Variants in SORL1 observed in about 807,000 individuals in gnomAD.
The protein encoded by SORL1 is sortilin-related receptor.
SORL1 carries 127 observed loss-of-function variants against 273.7 expected under a neutral mutation model. That is an observed-to-expected ratio of 0.46 (90% CI 0.40 to 0.54). The LOEUF (loss-of-function observed/expected upper bound fraction) is 0.54. Among genes scored for constraint, SORL1 ranks in the 20% least tolerant of loss-of-function variants. The pLI, the probability that SORL1 is intolerant of heterozygous loss-of-function variation, is 0.00. For missense variants in SORL1, 2,494 were observed against 2,846.1 expected (o/e 0.88, Z 2.81); for synonymous variants, 1,031 against 1,067.4 (o/e 0.97, Z 0.66).
chr11:121,607,569 C>T (rs1223899961), intron 37 of SORL1, among the ~76,000 whole-genome samples: 1 of 152,240 alleles, frequency 6.6e-6, no homozygotes, highest in Non-Finnish European at 1.5e-5. Flanking sequence ...AGCTTTCCAG[C>T]TCCTATACTT....
chr11:121,551,813 C>A (rs1170640439), intron 16 of SORL1, among the ~76,000 whole-genome samples: 1 of 152,214 alleles, frequency 6.6e-6, no homozygotes, highest in East Asian at 1.9e-4. Flanking sequence ...GAGTAATTAA[C>A]ATACCTCACT....
chr11:121,556,148 A>G (rs529709796), intron 18 of SORL1, among the ~76,000 whole-genome samples: 48 of 152,358 alleles, frequency 3.2e-4, no homozygotes, highest in Middle Eastern at 3.4e-3. Context: ...TCGCACAACC[A>G]TTTGACAGGG....
rs575012120 is a variant in SORL1 at position 121,633,245 on chromosome 11, G to T, written c.*3682G>T. 2 of 152,142 alleles carry T rather than the reference G, an allele frequency of 1.3e-5. No individual in the cohort carries two copies. The highest frequency in any genetic ancestry group is 4.8e-5 in the African/African-American group (2 of 41,428). 9.4% of individuals were successfully genotyped at this position (152,142 alleles called of 1,614,324 possible). On this transcript the variant is annotated 3_prime_UTR_variant, in exon 48 of 48. Coordinates refer to ENST00000260197, the MANE Select transcript of SORL1 (RefSeq NM_003105.6). The stretch of plus-strand genomic sequence containing the variant: ...GAGGATGGGTTGTATGTATGTTTCT[G>T]CCCACTAATTTTGAGCAGCCATATT...
intron 6 of SORL1, 104 bp downstream of exon 6, chr11:121,497,153 A>T (rs1332255896): frequency 1.0e-6 from 1 of 955,524 alleles, no homozygotes; most frequent in African/African-American, 1.6e-5. Context: ...AATTGGAAGG[A>T]TGTGCTTGGG....
intron 8 of SORL1, among the ~76,000 whole-genome samples, chr11:121,514,852 G>A (rs887334593): frequency 1.1e-4 from 16 of 152,290 alleles, no homozygotes; most frequent in African/African-American, 2.2e-4. Context: ...GGGCGGTCTC[G>A]GAGCACCACA....
chr11:121,491,622 G>A (rs1861554452), intron 5 of SORL1, among the ~76,000 whole-genome samples: 1 of 152,116 alleles, frequency 6.6e-6, no homozygotes, highest in Non-Finnish European at 1.5e-5. Context: ...TTTCACATTT[G>A]TTTTATGCTT....
At chr11:121,477,416 C>A (rs1591552294) in intron 2 of SORL1, among the ~76,000 whole-genome samples, 1 of 152,186 alleles carries the variant, frequency 6.6e-6, no homozygotes, top group African/African-American at 2.4e-5. Context: ...ACAAATCCTC[C>A]GTTCCATTCC....
chr11:121,597,263 C>T (rs1863309010), intron 32 of SORL1, among the ~76,000 whole-genome samples: 1 of 152,170 alleles, frequency 6.6e-6, no homozygotes, highest in South Asian at 2.1e-4. Context: ...ACTGGGCTCT[C>T]CCTGGAGAGG....
At chr11:121,529,029 T>C (rs1330343117) in intron 11 of SORL1, among the ~76,000 whole-genome samples, 4 of 152,302 alleles carry the variant, frequency 2.6e-5, no homozygotes, top group Middle Eastern at 3.4e-3. Flanking sequence ...CAATTTTTGC[T>C]TTATTTTGGT....
chr11:121,576,788 G>A (rs1486592525), intron 24 of SORL1: 18 of 1,499,962 alleles, frequency 1.2e-5, no homozygotes, highest in East Asian at 4.9e-5. Flanking sequence ...TGTTTCCTCC[G>A]TTTTGGGAGC....
chr11:121,589,324 A>G lies in SORL1; in HGVS notation c.4012A>G (p.Ile1338Val). The change falls in exon 29 of 48, where the codon ATC becomes GTC. Residue 1338 changes from isoleucine (I) to valine (V), a missense_variant. Ile to Val is a conservative substitution (Grantham distance 29). Around this residue, in one of 3 missense-constraint regions of SORL1, gnomAD observed 1,609 missense variants for 1,816.4 expected, o/e 0.89. Coordinates refer to ENST00000260197, the MANE Select transcript of SORL1 (RefSeq NM_003105.6). Reference protein sequence around the residue: ...FGFQCQNGVCISLIWKCDGMD... With the variant: ...FGFQCQNGVCVSLIWKCDGMD... ...TTTCCAGTGTCAGAATGGAGTGTGC[A>G]TCAGTTTGATTTGGAAGTGCGACGG... 1 of 1,613,930 alleles carries G rather than the reference A, an allele frequency of 6.2e-7. No homozygotes were observed. Among genetic ancestry groups the G allele is most frequent in the Non-Finnish European group, 8.5e-7 (1 of 1,179,790 alleles).
In SORL1 at chr11:121,627,335, CCAT is replaced by C. The variant is rs1473611398; in HGVS notation, c.6365-219_6365-217del. On this transcript the variant is annotated intron_variant, in intron 46 of 47. Coordinates refer to ENST00000260197, the MANE Select transcript of SORL1 (RefSeq NM_003105.6). This position sits in a 1 kb window ranked among gnomAD's most constrained non-coding sequence, Gnocchi z 4.9. Reference sequence around the variant, plus strand: ...AGTGATTAGGAGTCTAATGTAATTACCATATTTGCATGCACAAGGCCCTTGGTC... The same window carrying C: ...AGTGATTAGGAGTCTAATGTAATTACATTTGCATGCACAAGGCCCTTGGTC... 6.9e-6 allele frequency: 4 copies of C among 578,354 alleles called. No individual in the cohort carries two copies. The Admixed American group carries it at 9.4e-5, about 14-fold the overall frequency. 35.8% of individuals were successfully genotyped at this position (578,354 alleles called of 1,614,324 possible).
intron 17 of SORL1, 113 bp from the exon 18 acceptor site, chr11:121,555,074 C>A: frequency 8.5e-7 from 1 of 1,174,290 alleles, no homozygotes; most frequent in Non-Finnish European, 1.2e-6. Flanking sequence ...CGTAAAACAT[C>A]TCATCCCTTG....
chr11:121,506,855 G>A (rs1321078636), intron 6 of SORL1, among the ~76,000 whole-genome samples: 1 of 152,042 alleles, frequency 6.6e-6, no homozygotes, highest in Non-Finnish European at 1.5e-5. Context: ...CTATATTCCT[G>A]ATAAATTTTT....
chr11:121,628,414 C>T (rs962786848), intron 47 of SORL1, among the ~76,000 whole-genome samples: 9 of 152,196 alleles, frequency 5.9e-5, no homozygotes, highest in Admixed American at 3.3e-4. Context: ...ATCCCTTGCA[C>T]GCTCAGTTCA....
At chr11:121,576,779 G>A (rs755840689) in intron 24 of SORL1, 17 of 1,490,236 alleles carry the variant, frequency 1.1e-5, no homozygotes, top group Non-Finnish European at 1.5e-5. Context: ...CCCGAGTTAT[G>A]TTTCCTCCGT....
At chr11:121,475,993 C>A (rs1270506629) in intron 2 of SORL1, among the ~76,000 whole-genome samples, 2 of 152,152 alleles carry the variant, frequency 1.3e-5, no homozygotes, top group Non-Finnish European at 2.9e-5. Flanking sequence ...GAGACTAACT[C>A]CGGTTTTTCA....
chr11:121,573,319 C>T (rs554982867), intron 23 of SORL1, among the ~76,000 whole-genome samples: 13 of 152,286 alleles, frequency 8.5e-5, no homozygotes, highest in Non-Finnish European at 1.5e-4. Flanking sequence ...CAATTCAAAT[C>T]TAGTCTTTCT....
At chr11:121,490,862 T>C (rs1861542766) in intron 5 of SORL1, among the ~76,000 whole-genome samples, 1 of 152,084 alleles carries the variant, frequency 6.6e-6, no homozygotes, top group Non-Finnish European at 1.5e-5. Context: ...GATATAGTTA[T>C]TAAGGAGAGG....
Sources: gnomAD v4.1 joint callset for allele counts (sites outside exome capture counted in the v4.1 genomes callset) on GRCh38, gnomAD v4.1.1 for gene constraint, gnomAD v4.1.1 regional missense constraint, Gnocchi (gnomAD v3.1) non-coding constraint, MANE v1.5 for transcripts, NCBI Gene and HGNC (gene_info 2026-07-23, HGNC 2026-07-21) for gene names.